The following SCN1A variants were observed in gnomAD, a reference collection of about 807,000 sequenced individuals.
SCN1A encodes the protein sodium channel protein type 1 subunit alpha.
SCN1A carries 13 observed loss-of-function variants against 193.7 expected under a neutral mutation model. The observed-to-expected ratio is 0.07, with a 90% CI of 0.04 to 0.11. The LOEUF is 0.11. Ranked by LOEUF, SCN1A falls within the 10% of genes least tolerant of loss-of-function variation. The probability of loss-of-function intolerance (pLI) is 1.00; values close to 1 mark genes in which losing one functional copy is unlikely to be tolerated. For synonymous variants in SCN1A, 781 were observed against 843.6 expected (o/e 0.93, Z 1.29); for missense variants, 1,432 against 2,451.1 (o/e 0.58, Z 8.78).
chr2:165,994,568 T>TAAAATTTAGTTA (rs1286096771), intron 27 of SCN1A, 152 bp from the exon 28 acceptor site: 45 of 661,472 alleles, frequency 6.8e-5, no homozygotes, highest in Non-Finnish European at 2.6e-6. Context: ...TATTAATTGT[T>TAAAATTTAGTTA]AAAATTTAGT....
At chr2:166,039,271 T>G in intron 17 of SCN1A, 152 bp downstream of exon 17, 1 of 731,806 alleles carries the variant, frequency 1.4e-6, no homozygotes. Flanking sequence ...GAGAATTTTT[T>G]TCCATGTAGG....
chr2:166,148,385 C>T (rs1692406907), intron 1 of SCN1A, among the ~76,000 whole-genome samples: 1 of 152,138 alleles, frequency 6.6e-6, no homozygotes, highest in Admixed American at 6.6e-5. Flanking sequence ...AGAATCAGCG[C>T]TATATTGTTT....
intron 4 of SCN1A, among the ~76,000 whole-genome samples, chr2:166,069,314 G>A (rs1167385860): frequency 6.6e-6 from 1 of 151,188 alleles, no homozygotes. Flanking sequence ...ATGCTTCTAT[G>A]CATCAGGAAT....
At chr2:166,140,240 A>G (rs1181136202) in intron 1 of SCN1A, among the ~76,000 whole-genome samples, 2 of 152,162 alleles carry the variant, frequency 1.3e-5, no homozygotes, top group Non-Finnish European at 2.9e-5. Flanking sequence ...ATATCACATT[A>G]TTAAAATTAT....
intron 2 of SCN1A, among the ~76,000 whole-genome samples, chr2:166,099,180 A>T (rs997382592): frequency 6.6e-6 from 1 of 152,132 alleles, no homozygotes; most frequent in Non-Finnish European, 1.5e-5. Context: ...AGTGGGCTTC[A>T]TCCCTGGGAT....
At position 165,990,483 on chromosome 2, in the gene SCN1A, T is replaced by A. The variant is rs572045656; in HGVS notation, c.*762A>T. ...ACATTTATGACTCCAAACATTTGAA[T>A]GAAGTTTGCACCTGCTAAGATTTAC... is the stretch of plus-strand genomic sequence containing the variant. On this transcript the variant is annotated 3_prime_UTR_variant, in exon 29 of 29. Transcript: ENST00000674923. 6.6e-6 allele frequency: 1 copy of A among 152,580 alleles called. No homozygotes were observed. Among genetic ancestry groups the A allele is most frequent in the Non-Finnish European group, 1.5e-5 (1 of 67,998 alleles). 9.5% of individuals were successfully genotyped at this position (152,580 alleles called of 1,614,324 possible).
At chr2:166,109,412 T>C (rs1194396643) in intron 2 of SCN1A, 2 of 152,184 alleles carry the variant, frequency 1.3e-5, no homozygotes, top group South Asian at 2.1e-4. Context: ...ATATTTTATA[T>C]ACTTGGTGTG....
At chr2:166,024,421 G>T (rs1694475362) in intron 19 of SCN1A, among the ~76,000 whole-genome samples, 1 of 152,126 alleles carries the variant, frequency 6.6e-6, no homozygotes, top group Non-Finnish European at 1.5e-5. Context: ...CATGTTCTGA[G>T]ATTTGTGTTA....
rs181954229 is a variant in SCN1A at position 166,090,065 on chromosome 2, G to A, written c.-141-12264C>T. ...TTTTTTTTTTTTTTTTTTGATATAG[G>A]GTATTGCCCTGTCACACAGGCTGGA... is the stretch of plus-strand genomic sequence containing the variant. On this transcript the variant is annotated intron_variant, in intron 2 of 28. Transcript: ENST00000674923. 3.3e-4 allele frequency among the ~76,000 whole-genome samples: 36 copies of A among 109,764 alleles called. No homozygotes were observed. In the East Asian group the frequency reaches 7.5e-3, roughly 23 times the overall value. The allele number at this position is 109,764 out of a possible 152,430, so 72.0% of individuals were successfully genotyped here.
chr2:166,040,694 C>T (rs917361602), intron 16 of SCN1A, among the ~76,000 whole-genome samples: 1 of 152,092 alleles, frequency 6.6e-6, no homozygotes, highest in Admixed American at 6.6e-5. Context: ...CAATCTTCAC[C>T]AAAAATGACC....
At chr2:166,069,074 G>A (rs912620207) in intron 4 of SCN1A, among the ~76,000 whole-genome samples, 1 of 152,042 alleles carries the variant, frequency 6.6e-6, no homozygotes, top group Non-Finnish European at 1.5e-5. Context: ...AAAAAGTCCC[G>A]TGAGGGAAAA....
chr2:166,115,029 T>C (rs1341309504), intron 2 of SCN1A, among the ~76,000 whole-genome samples: 1 of 152,160 alleles, frequency 6.6e-6, no homozygotes, highest in East Asian at 1.9e-4. Context: ...ATATAGTACT[T>C]GAATAATTTG....
At chr2:166,011,200 T>C (rs1436056742) in intron 22 of SCN1A, among the ~76,000 whole-genome samples, 2 of 151,102 alleles carry the variant, frequency 1.3e-5, no homozygotes, top group African/African-American at 2.4e-5. Context: ...CAAGGAAATA[T>C]AATGCATTCA....
chr2:166,052,179 A>G (rs1246920659), intron 8 of SCN1A, among the ~76,000 whole-genome samples, 191 bp from the exon 9 acceptor site: 1 of 152,064 alleles, frequency 6.6e-6, no homozygotes, highest in African/African-American at 2.4e-5. Context: ...GATTTAAACA[A>G]TGAAATGAAG....
At chr2:166,027,295 T>G (rs1374515238) in intron 19 of SCN1A, 2 of 152,176 alleles carry the variant, frequency 1.3e-5, no homozygotes, top group Admixed American at 6.5e-5. Context: ...TGCTCTTTAC[T>G]ATAGCAAATG....
chr2:166,143,709 C>A (rs1182472859), intron 1 of SCN1A, among the ~76,000 whole-genome samples: 2 of 152,158 alleles, frequency 1.3e-5, no homozygotes, highest in East Asian at 1.9e-4. Context: ...TCTGAGGAAT[C>A]ATCTAATTCA....
At chr2:166,005,490 A>G (rs1486859594) in intron 23 of SCN1A, among the ~76,000 whole-genome samples, 1 of 151,374 alleles carries the variant, frequency 6.6e-6, no homozygotes, top group African/African-American at 2.4e-5. Context: ...AGTGCACTTC[A>G]GGATATGATT....
intron 25 of SCN1A, chr2:165,999,181 G>T (rs1690485361): frequency 6.5e-6 from 1 of 152,820 alleles, no homozygotes; most frequent in Non-Finnish European, 1.5e-5. Context: ...GTTGGTCACA[G>T]AAGTGATTGC....
At chr2:166,029,471 T>A (rs1169587170) in intron 19 of SCN1A, among the ~76,000 whole-genome samples, 1 of 152,106 alleles carries the variant, frequency 6.6e-6, no homozygotes, top group Non-Finnish European at 1.5e-5. Context: ...CCATGGATAG[T>A]ACTCTTCGCA....
Sources: gnomAD v4.1 joint callset for allele counts (sites outside exome capture counted in the v4.1 genomes callset) on GRCh38, gnomAD v4.1.1 for gene constraint, MANE v1.5 for transcripts, NCBI Gene and HGNC (gene_info 2026-07-23, HGNC 2026-07-21) for gene names.